CNTLN: variants seen among roughly 807,000 people sequenced by gnomAD.
The protein encoded by CNTLN is centlein, also known as centlein, centrosomal protein.
CNTLN carries 212 observed loss-of-function variants against 180.0 expected under a neutral mutation model. That is an observed-to-expected ratio of 1.18 (90% CI 1.05 to 1.32). The LOEUF (loss-of-function observed/expected upper bound fraction) is 1.32, where lower values mean the gene tolerates loss of function less well. Among genes scored for constraint, CNTLN ranks in the 40% most tolerant of loss-of-function variants. CNTLN has a pLI of 0.00. For missense variants in CNTLN, 2,095 were observed against 1,610.9 expected (o/e 1.30, Z -5.14); for synonymous variants, 722 against 563.1 (o/e 1.28, Z -3.99).
chr9:17,442,325 A>T (rs1830159338), intron 18 of CNTLN, among the ~76,000 whole-genome samples: 2 of 152,224 alleles, frequency 1.3e-5, no homozygotes. Context: ...ATCTTTTCTG[A>T]TCATAATGGT....
intron 22 of CNTLN, 51 bp from the exon 23 acceptor site, chr9:17,466,655 C>A: frequency 6.8e-7 from 1 of 1,473,508 alleles, no homozygotes; most frequent in Non-Finnish European, 9.2e-7. Context: ...CTAACTCTTC[C>A]AAATCTGTTT....
Position 17,354,840 on chromosome 9 carries a change from T to G in CNTLN, c.1887-11777T>G, listed in dbSNP as rs531422473. On this transcript the variant is annotated intron_variant, in intron 12 of 25. Coordinates refer to ENST00000380647, the MANE Select transcript of CNTLN (RefSeq NM_017738.4). ...CGCTCTTTGCAATAAATCTTGCTAT[T>G]GCTCACTCTTTGGGTCCACACTGCT... Among the ~76,000 whole-genome samples, 8 of 152,230 alleles carry G rather than the reference T, an allele frequency of 5.3e-5. No homozygotes were observed. In the East Asian group the frequency reaches 1.6e-3, roughly 30 times the overall value.
chr9:17,234,800 A>C (rs955244504), intron 3 of CNTLN, among the ~76,000 whole-genome samples: 6 of 152,338 alleles, frequency 3.9e-5, no homozygotes, highest in Admixed American at 1.3e-4. Context: ...TGTTTAATAA[A>C]TATTAGTTGA....
At chr9:17,292,673 A>G (rs1396302700) in intron 6 of CNTLN, among the ~76,000 whole-genome samples, 3 of 151,964 alleles carry the variant, frequency 2.0e-5, no homozygotes, top group Non-Finnish European at 4.4e-5. Flanking sequence ...TTCCTTTCAA[A>G]CTAATTATTC....
At chr9:17,314,797 G>T (rs1011485531) in intron 8 of CNTLN, among the ~76,000 whole-genome samples, 2 of 152,130 alleles carry the variant, frequency 1.3e-5, no homozygotes, top group African/African-American at 4.8e-5. Context: ...TTTATAATTT[G>T]CTTGGAGTTT....
At chr9:17,256,979 T>C (rs1395854874) in intron 5 of CNTLN, among the ~76,000 whole-genome samples, 1 of 152,056 alleles carries the variant, frequency 6.6e-6, no homozygotes, top group Non-Finnish European at 1.5e-5. Flanking sequence ...TTTAACATTT[T>C]TTTTTTATTA....
intron 15 of CNTLN, among the ~76,000 whole-genome samples, chr9:17,400,954 T>C (rs1431469541): frequency 6.6e-6 from 1 of 152,214 alleles, no homozygotes; most frequent in East Asian, 1.9e-4. Flanking sequence ...ATCTTTATGA[T>C]TGCAAAGATT....
intron 5 of CNTLN, among the ~76,000 whole-genome samples, chr9:17,261,448 A>G (rs1267392135): frequency 6.6e-6 from 1 of 151,148 alleles, no homozygotes; most frequent in Non-Finnish European, 1.5e-5. Flanking sequence ...TGTAAATGGG[A>G]TTGTGTTTGA....
downstream of CNTLN, among the ~76,000 whole-genome samples, chr9:17,507,553 G>A (rs1165758645): frequency 1.3e-5 from 2 of 152,072 alleles, no homozygotes; most frequent in African/African-American, 2.4e-5. Context: ...TTTTTAGTTC[G>A]AAGAGTTGCT....
At chr9:17,266,797 C>T (rs768427146) in intron 5 of CNTLN, among the ~76,000 whole-genome samples, 31 of 152,098 alleles carry the variant, frequency 2.0e-4, no homozygotes, top group Non-Finnish European at 3.8e-4. Flanking sequence ...ATGTAATGGC[C>T]TTCTTTGTCT....
At chr9:17,513,467 G>T in the CNTLN span, among the ~76,000 whole-genome samples, 1 of 152,048 alleles carries the variant, frequency 6.6e-6, no homozygotes, top group African/African-American at 2.4e-5. Flanking sequence ...AGGCCCAGGC[G>T]GGCAGCTCAT....
intron 2 of CNTLN, chr9:17,168,130 T>G (rs753124634): frequency 2.0e-5 from 3 of 152,202 alleles, no homozygotes; most frequent in Non-Finnish European, 2.9e-5. Flanking sequence ...GTGTGACTAG[T>G]AAAAAGTTAG....
At chr9:17,213,689 C>G (rs1040296876) in intron 2 of CNTLN, among the ~76,000 whole-genome samples, 9 of 152,124 alleles carry the variant, frequency 5.9e-5, no homozygotes, top group African/African-American at 2.2e-4. Context: ...GTGTGGGAGT[C>G]TAAGTCTCTT....
intron 2 of CNTLN, among the ~76,000 whole-genome samples, chr9:17,160,873 C>T (rs905922918): frequency 2.0e-5 from 3 of 152,050 alleles, no homozygotes; most frequent in African/African-American, 7.2e-5. Flanking sequence ...CAGATATTTC[C>T]ACCACATTTA....
intron 2 of CNTLN, among the ~76,000 whole-genome samples, chr9:17,151,573 T>C (rs1271699837): frequency 1.3e-5 from 2 of 152,228 alleles, no homozygotes; most frequent in Non-Finnish European, 2.9e-5. Context: ...ACTATTTTAT[T>C]GAGGATTTTC....
Position 17,261,605 on chromosome 9 carries a change from T to C in CNTLN, c.850-12128T>C, listed in dbSNP as rs112351052. Among the ~76,000 whole-genome samples, 1,503 of 151,630 alleles carry C rather than the reference T, an allele frequency of 9.9e-3. 19 individuals are homozygous for C. The highest frequency in any genetic ancestry group is 0.021 in the Middle Eastern group (6 of 292). On this transcript the variant is annotated intron_variant, in intron 5 of 25. Coordinates refer to ENST00000380647, the MANE Select transcript of CNTLN (RefSeq NM_017738.4). ...GTAGGGTTTTCTATGTATAGAATCATATCATCAGTGACAAGGGGTAACGTG... is the reference window on the plus strand; with the variant it reads ...GTAGGGTTTTCTATGTATAGAATCACATCATCAGTGACAAGGGGTAACGTG...
chr9:17,523,242 G>GT, the CNTLN span, among the ~76,000 whole-genome samples: 3 of 151,976 alleles, frequency 2.0e-5, no homozygotes, highest in South Asian at 4.1e-4. Flanking sequence ...TTATACATAC[G>GT]TTTTTTGTTT....
At chr9:17,226,611 A>T (rs1444818217) in intron 3 of CNTLN, among the ~76,000 whole-genome samples, 1 of 152,008 alleles carries the variant, frequency 6.6e-6, no homozygotes, top group African/African-American at 2.4e-5. Flanking sequence ...AAATTTTCAG[A>T]TGGTTTTATT....
chr9:17,357,805 G>A (rs1822973148), intron 12 of CNTLN, among the ~76,000 whole-genome samples: 1 of 151,280 alleles, frequency 6.6e-6, no homozygotes, highest in Non-Finnish European at 1.5e-5. Context: ...ACAATGTTGG[G>A]TTTGAACATC....
Sources: allele counts gnomAD v4.1 joint callset (sites outside exome capture counted in the v4.1 genomes callset), GRCh38; gene constraint gnomAD v4.1.1; transcripts MANE v1.5; gene names NCBI Gene and HGNC (gene_info 2026-07-23, HGNC 2026-07-21).